The following MECOM variants were observed in gnomAD, a reference collection of about 807,000 sequenced individuals.
The protein encoded by MECOM is MDS1 and EVI1 complex locus, also known as histone-lysine N-methyltransferase MECOM.
A neutral mutation model predicts 116.3 loss-of-function variants in MECOM; 13 were observed. The ratio of observed to expected loss-of-function variants is 0.11; its 90% CI spans 0.07 to 0.18. The LOEUF (loss-of-function observed/expected upper bound fraction) is 0.18. MECOM is among the 10% of genes least tolerant of loss of function. MECOM has a pLI of 1.00. For missense variants in MECOM, 1,299 were observed against 1,509.0 expected (o/e 0.86, Z 2.31); for synonymous variants, 528 against 535.2 (o/e 0.99, Z 0.19).
At chr3:169,159,205 T>A (rs7613509) in intron 2 of MECOM, among the ~76,000 whole-genome samples, 1 of 152,174 alleles carries the variant, frequency 6.6e-6, no homozygotes, top group Non-Finnish European at 1.5e-5. Flanking sequence ...TGAGGGAGTC[T>A]GCTTCTAGTT....
chr3:169,442,812 A>AT lies in MECOM; in HGVS notation c.38-61289dup, dbSNP rs558760894. ...ACACCACCATCGATGAGGTTTTCACATTTTTTTTTATCTATAGTTTTTGAC... is the reference window on the plus strand; with the variant it reads ...ACACCACCATCGATGAGGTTTTCACATTTTTTTTTTATCTATAGTTTTTGAC... On this transcript the variant is annotated intron_variant, in intron 1 of 16. Transcript: ENST00000651503. 3.9e-3 allele frequency among the ~76,000 whole-genome samples: 585 copies of AT among 151,614 alleles called. 8 individuals are homozygous for AT. In the East Asian group the frequency reaches 0.049, roughly 13 times the overall value.
chr3:169,330,968 T>A (rs761156492), intron 2 of MECOM, among the ~76,000 whole-genome samples: 2 of 152,094 alleles, frequency 1.3e-5, no homozygotes, highest in East Asian at 3.8e-4. Context: ...CCTATATATT[T>A]ACAGCTAAAG....
At chr3:169,163,738 T>C (rs1226058509) in intron 2 of MECOM, among the ~76,000 whole-genome samples, 4 of 152,170 alleles carry the variant, frequency 2.6e-5, no homozygotes, top group African/African-American at 2.4e-5. Flanking sequence ...CCTGAAAGAC[T>C]GGTCTGTTAA....
chr3:169,332,155 G>A (rs1722854490), intron 2 of MECOM, among the ~76,000 whole-genome samples: 1 of 152,112 alleles, frequency 6.6e-6, no homozygotes, highest in South Asian at 2.1e-4. Context: ...ATCCCTCAGG[G>A]GGAAACTCTT....
rs752024214 is a variant in MECOM at position 169,089,020 on chromosome 3, G to A, written c.3565C>T (p.His1189Tyr). 46 of 1,600,930 alleles carry A rather than the reference G, an allele frequency of 2.9e-5. 1 individual carries two copies. The Middle Eastern group carries it at 6.7e-4, about 23-fold the overall frequency. Residue 1189 changes from histidine to tyrosine, a missense_variant, in exon 16 of 17, where the codon CAC (histidine) becomes TAC (tyrosine). Transcript: ENST00000651503. ...HVPEELKQPL[H>Y]RKSKSQAYAM... ...TGTACCTGCGATTTGGACTTTCTGTGTAACGGCTGCTTAAGTTCCTCTGGC... is the reference window on the plus strand; with the variant it reads ...TGTACCTGCGATTTGGACTTTCTGTATAACGGCTGCTTAAGTTCCTCTGGC...
intron 1 of MECOM, among the ~76,000 whole-genome samples, chr3:169,421,698 A>C (rs534958994): frequency 2.0e-5 from 3 of 152,190 alleles, no homozygotes; most frequent in Non-Finnish European, 4.4e-5. Flanking sequence ...AAAAAAAAAA[A>C]ACAAAACGAT....
intron 2 of MECOM, chr3:169,145,042 A>T: frequency 6.4e-7 from 1 of 1,552,050 alleles, no homozygotes; most frequent in Non-Finnish European, 8.7e-7. Context: ...TTTAGTCAAG[A>T]AGCCCTATGA....
chr3:169,303,350 T>C (rs1166301303), intron 2 of MECOM, among the ~76,000 whole-genome samples: 1 of 152,088 alleles, frequency 6.6e-6, no homozygotes, highest in Admixed American at 6.5e-5. Flanking sequence ...GATATATATA[T>C]ATATATCACA....
intron 2 of MECOM, among the ~76,000 whole-genome samples, chr3:169,175,325 C>A (rs1169425063): frequency 6.6e-6 from 1 of 152,076 alleles, no homozygotes; most frequent in Non-Finnish European, 1.5e-5. Flanking sequence ...CTATATGACA[C>A]CACAGATTGT....
At chr3:169,384,341 A>T (rs1389702465) in intron 1 of MECOM, among the ~76,000 whole-genome samples, 2 of 152,194 alleles carry the variant, frequency 1.3e-5, no homozygotes, top group East Asian at 3.8e-4. Context: ...TCCAAACCCA[A>T]CATCAAAGGA....
intron 1 of MECOM, among the ~76,000 whole-genome samples, chr3:169,566,926 A>G (rs879914238): frequency 3.3e-5 from 5 of 152,262 alleles, no homozygotes; most frequent in South Asian, 2.1e-4. Context: ...GAATTACATT[A>G]CAAACTGACT....
intron 2 of MECOM, among the ~76,000 whole-genome samples, chr3:169,378,052 C>T (rs1317370163): frequency 6.6e-6 from 1 of 151,878 alleles, no homozygotes; most frequent in East Asian, 1.9e-4. Flanking sequence ...AACCATCATT[C>T]TCAGCAAGCC....
rs1560096019 is a variant in MECOM at position 169,084,212 on chromosome 3, AT to A, written c.*696del. 2 of 231,966 alleles carry A rather than the reference AT, an allele frequency of 8.6e-6. No individual in the cohort carries two copies. The highest frequency in any genetic ancestry group is 1.7e-5 in the Non-Finnish European group (2 of 117,304). The allele number at this position is 231,966 out of a possible 1,614,324, so 14.4% of individuals were successfully genotyped here. A position where few individuals can be genotyped will look rare whatever the true frequency, so the allele number is the denominator to read the frequency against. On this transcript the variant is annotated 3_prime_UTR_variant, in exon 17 of 17. Transcript: ENST00000651503. ...TGTTATTACAAGGATTTGGCAAACA[AT>A]TTATTAGTGGTACAGCGGTACTGGT...
Position 169,107,828 on chromosome 3 carries a change from G to C in MECOM, c.2604+98C>G, listed in dbSNP as rs1428400236. ...GAACCATATCACGTAATGGAAAGGG[G>C]TTCAGAATTATTTATGTCTGTACAG... On this transcript the variant is annotated intron_variant, in intron 10 of 16. Transcript: ENST00000651503. The C allele has an allele frequency of 4.1e-6, 4 of 970,896 alleles. No individual in the cohort carries two copies. The African/African-American group carries it at 6.6e-5, about 16-fold the overall frequency. The allele number at this position is 970,896 out of a possible 1,614,324, so 60.1% of individuals were successfully genotyped here.
rs192578021 is a variant in MECOM, at chr3:169,470,109, A to G, written c.38-88585T>C. The G allele has an allele frequency of 5.9e-5, 9 of 152,354 alleles. No homozygotes were observed. The East Asian group carries it at 1.5e-3, about 26-fold the overall frequency. 9.4% of individuals were successfully genotyped at this position (152,354 alleles called of 1,614,324 possible). ...GCCAAGCACATGTGCCAACAATGCA[A>G]AAGTGTATATGATTACAAACAATTT... On this transcript the variant is annotated intron_variant, in intron 1 of 16. Coordinates refer to ENST00000651503, the MANE Select transcript of MECOM (RefSeq NM_004991.4).
intron 2 of MECOM, among the ~76,000 whole-genome samples, chr3:169,255,727 T>C (rs1164690438): frequency 6.6e-6 from 1 of 152,190 alleles, no homozygotes; most frequent in Admixed American, 6.5e-5. Context: ...GACTTCTGTA[T>C]TGTGGCTTAA....
At chr3:169,301,377 GAA>G (rs1461064297) in intron 2 of MECOM, among the ~76,000 whole-genome samples, 1 of 152,164 alleles carries the variant, frequency 6.6e-6, no homozygotes. Context: ...CCACTCTAGG[GAA>G]AGTTGGGAGA....
intron 1 of MECOM, among the ~76,000 whole-genome samples, chr3:169,572,512 CATT>C (rs1415343708): frequency 1.3e-5 from 2 of 152,124 alleles, no homozygotes; most frequent in Non-Finnish European, 2.9e-5. Flanking sequence ...AAGGATTATA[CATT>C]ATTCTGCTAT....
intron 2 of MECOM, among the ~76,000 whole-genome samples, chr3:169,236,018 T>C (rs991143318): frequency 1.3e-5 from 2 of 152,120 alleles, no homozygotes; most frequent in Non-Finnish European, 2.9e-5. Context: ...TAGCTATATG[T>C]GGTACAGGGC....
Sources: allele counts gnomAD v4.1 joint callset (sites outside exome capture counted in the v4.1 genomes callset), GRCh38; gene constraint gnomAD v4.1.1; transcripts MANE v1.5; gene names NCBI Gene and HGNC (gene_info 2026-07-23, HGNC 2026-07-21).